TMTC4: variants seen among roughly 807,000 people sequenced by gnomAD.
The protein encoded by TMTC4 is protein O-mannosyl-transferase TMTC4.
In TMTC4, 65 loss-of-function variants were observed where a neutral mutation model predicts 86.0. That is an observed-to-expected ratio of 0.76 (90% confidence interval 0.62 to 0.93). TMTC4 has a LOEUF of 0.93. Among genes scored for constraint, TMTC4 ranks in the 40% least tolerant of loss-of-function variants. The probability of loss-of-function intolerance (pLI) is 0.00; values close to 1 mark genes in which losing one functional copy is unlikely to be tolerated. For missense variants in TMTC4, 866 were observed against 948.1 expected, an observed-to-expected ratio of 0.91 and a Z score of 1.14; for synonymous variants, 379 against 382.5, an observed-to-expected ratio of 0.99 and a Z score of 0.11.
rs1876437998 is a variant in TMTC4 at position 100,605,449 on chromosome 13, ATT to A, written c.2135-309_2135-308del. ...TGCAATGTCTTAGTGCTGCCATGAA[ATT>A]TCCAGGAAGCAAGGCTGGGTATGGG... On this transcript the variant is annotated intron_variant, in intron 18 of 18. Transcript: ENST00000342624. This position sits in a 1 kb window ranked among gnomAD's most constrained non-coding sequence, Gnocchi z 4.3. 6.6e-6 allele frequency among the ~76,000 whole-genome samples: 1 copy of A among 152,190 alleles called. No individual in the cohort carries two copies. Among genetic ancestry groups the A allele is most frequent in the Non-Finnish European group, 1.5e-5 (1 of 68,038 alleles).
At chr13:100,654,419 T>G (rs1884826398) in intron 6 of TMTC4, among the ~76,000 whole-genome samples, 2 of 152,238 alleles carry the variant, frequency 1.3e-5, no homozygotes, top group Non-Finnish European at 1.5e-5. Context: ...TGAAATATAC[T>G]TTGCCTATTT....
intron 10 of TMTC4, among the ~76,000 whole-genome samples, chr13:100,636,133 A>G (rs1214816756): frequency 1.3e-5 from 2 of 152,238 alleles, no homozygotes; most frequent in Admixed American, 1.3e-4. Flanking sequence ...TTTTGTACCC[A>G]GCTACAACAG....
Position 100,605,254 on chromosome 13 carries a change from T to C in TMTC4, c.2135-112A>G. 1 of 1,239,370 alleles carries C rather than the reference T, an allele frequency of 8.1e-7. No individual in the cohort carries two copies. Among genetic ancestry groups the C allele is most frequent in the Non-Finnish European group, 1.1e-6 (1 of 895,788 alleles). The allele number at this position is 1,239,370 out of a possible 1,614,324, so 76.8% of individuals were successfully genotyped here. A position where few individuals can be genotyped will look rare whatever the true frequency, so the allele number is the denominator to read the frequency against. On this transcript the variant is annotated intron_variant, in intron 18 of 18. Coordinates refer to ENST00000342624, the MANE Select transcript of TMTC4 (RefSeq NM_032813.5). The surrounding 1 kb of genome is among the most constrained non-coding windows in gnomAD (Gnocchi z 4.3). ...ATCCTATGCAAACAGTTTTCAAAAG[T>C]CAATTGTATGAAACAATATTGTTTG...
At chr13:100,673,729 C>G (rs1333017419) in intron 1 of TMTC4, among the ~76,000 whole-genome samples, 2 of 152,204 alleles carry the variant, frequency 1.3e-5, no homozygotes, top group African/African-American at 4.8e-5. Flanking sequence ...GTTTGATATT[C>G]ACAGTTCCAC....
chr13:100,619,300 C>A (rs1879101898), intron 15 of TMTC4, among the ~76,000 whole-genome samples: 1 of 150,852 alleles, frequency 6.6e-6, no homozygotes, highest in Admixed American at 6.6e-5. Flanking sequence ...AAATGGCTAG[C>A]TCTCAATTTG....
rs1377586509 is a variant in TMTC4 at position 100,604,022 on chromosome 13, A to C, written c.*972T>G. The C allele has an allele frequency of 2.0e-5, 3 of 152,672 alleles. No individual in the cohort carries two copies. Among genetic ancestry groups the C allele is most frequent in the East Asian group, 1.9e-4 (1 of 5,206 alleles). The allele number at this position is 152,672 out of a possible 1,614,324, so 9.5% of individuals were successfully genotyped here. On this transcript the variant is annotated 3_prime_UTR_variant, in exon 19 of 19. Transcript: ENST00000342624. ...ACAGCATACAGAGAAGAACAAAACAAAACATTGTTTGGATCAAATAAAAAA... is the reference window on the plus strand; with the variant it reads ...ACAGCATACAGAGAAGAACAAAACACAACATTGTTTGGATCAAATAAAAAA...
chr13:100,646,999 G>T (rs529457888), intron 6 of TMTC4, among the ~76,000 whole-genome samples: 1 of 152,254 alleles, frequency 6.6e-6, no homozygotes, highest in Non-Finnish European at 1.5e-5. Context: ...TATGGTTTGG[G>T]GAAAGGGACA....
intron 6 of TMTC4, among the ~76,000 whole-genome samples, chr13:100,653,349 A>C (rs964268419): frequency 1.3e-5 from 2 of 152,140 alleles, no homozygotes; most frequent in South Asian, 4.1e-4. Context: ...TGCTCAGACA[A>C]AGGGAATTTT....
At chr13:100,644,719 T>C (rs987793487) in intron 6 of TMTC4, among the ~76,000 whole-genome samples, 1 of 152,234 alleles carries the variant, frequency 6.6e-6, no homozygotes, top group African/African-American at 2.4e-5. Context: ...TTGACTTGGC[T>C]ATTATAGCTG....
At chr13:100,625,702 A>G (rs942159914) in intron 14 of TMTC4, 26 bp from the exon 15 acceptor site, 1 of 1,611,978 alleles carries the variant, frequency 6.2e-7, no homozygotes, top group South Asian at 1.1e-5. Flanking sequence ...TAACAAAGAT[A>G]AACAAGAAGA....
rs10467268 is a variant in TMTC4 at position 100,650,566 on chromosome 13, C to T, written c.640+5815G>A. ...GAACCACGCCACCCCGACAGGTGGC[C>T]GCGACTCTCTCTCTGCCAGAGCAAC... is the stretch of plus-strand genomic sequence containing the variant. On this transcript the variant is annotated intron_variant, in intron 6 of 18. Coordinates refer to ENST00000342624, the MANE Select transcript of TMTC4 (RefSeq NM_032813.5). Among the ~76,000 whole-genome samples, 80 of 152,350 alleles carry T rather than the reference C, an allele frequency of 5.3e-4. 1 individual carries two copies. The South Asian group carries it at 9.7e-3, about 19-fold the overall frequency.
intron 3 of TMTC4, among the ~76,000 whole-genome samples, chr13:100,666,280 T>G (rs1024363805): frequency 6.6e-6 from 1 of 152,178 alleles, no homozygotes; most frequent in African/African-American, 2.4e-5. Context: ...ATCACTAAAA[T>G]CCAGTAACAG....
At chr13:100,614,174 G>T (rs748711632) in intron 16 of TMTC4, 142 bp downstream of exon 16, 99 of 683,444 alleles carry the variant, frequency 1.4e-4, no homozygotes, top group Non-Finnish European at 2.0e-4. Context: ...AGACATTTTT[G>T]TAATAGAAAA....
chr13:100,638,230 G>A, intron 7 of TMTC4: 1 of 499,266 alleles, frequency 2.0e-6, no homozygotes, highest in Admixed American at 3.5e-5. Flanking sequence ...TTATTATTTA[G>A]TAAGCCCCTG....
chr13:100,670,395 G>C lies in TMTC4; in HGVS notation c.-33C>G. On this transcript the variant is annotated 5_prime_UTR_variant, in exon 2 of 19. Transcript: ENST00000342624. Reference sequence around the variant, plus strand: ...TGATGCTGTCCCCTTCCAGGGGCCAGAAGGAGGCTCAGATTTACAATCCAG... The same window carrying C: ...TGATGCTGTCCCCTTCCAGGGGCCACAAGGAGGCTCAGATTTACAATCCAG... 6.3e-7 allele frequency: 1 copy of C among 1,599,858 alleles called. No homozygotes were observed.
rs375957398 is a variant in TMTC4 at position 100,618,647 on chromosome 13, T to C, written c.1837-4217A>G. On this transcript the variant is annotated intron_variant, in intron 15 of 18. Coordinates refer to ENST00000342624, the MANE Select transcript of TMTC4 (RefSeq NM_032813.5). ...CAGAGGACCCTGCGGCCTTCCGCAG[T>C]GTTTGTGTCCCTGGGTACTTGAGAT... Among the ~76,000 whole-genome samples, 16 of 152,142 alleles carry C rather than the reference T, an allele frequency of 1.1e-4. No individual in the cohort carries two copies. The East Asian group carries it at 2.1e-3, about 20-fold the overall frequency.
chr13:100,669,547 T>G (rs968862755), intron 2 of TMTC4, among the ~76,000 whole-genome samples: 5 of 152,162 alleles, frequency 3.3e-5, no homozygotes, highest in African/African-American at 1.2e-4. Context: ...ATATCCTATT[T>G]TGAACTTTTC....
chr13:100,623,994 T>C, intron 15 of TMTC4: 1 of 358,672 alleles, frequency 2.8e-6, no homozygotes. Flanking sequence ...CATCATGACC[T>C]CCATCTCTAG....
intron 3 of TMTC4, among the ~76,000 whole-genome samples, chr13:100,665,323 T>C (rs1171064381): frequency 2.0e-5 from 3 of 152,246 alleles, no homozygotes; most frequent in Admixed American, 6.5e-5. Flanking sequence ...AGGAGTGTTT[T>C]AGGGACTAGA....
Sources: allele counts gnomAD v4.1 joint callset (sites outside exome capture counted in the v4.1 genomes callset), GRCh38; gene constraint gnomAD v4.1.1; non-coding constraint Gnocchi (gnomAD v3.1); transcripts MANE v1.5; gene names NCBI Gene and HGNC (gene_info 2026-07-23, HGNC 2026-07-21).